The following SLC7A7 variants were observed in gnomAD, a reference collection of about 807,000 sequenced individuals.
The protein encoded by SLC7A7 is Y+L amino acid transporter 1.
SLC7A7 carries 39 observed loss-of-function variants against 47.9 expected under a neutral mutation model. That is an observed-to-expected ratio of 0.81 (90% CI 0.63 to 1.06). The LOEUF is 1.06. SLC7A7 is among the 50% of genes least tolerant of loss of function. The pLI, the probability that SLC7A7 is intolerant of heterozygous loss-of-function variation, is 0.00. For synonymous variants in SLC7A7, 234 were observed against 242.8 expected (o/e 0.96, Z 0.34); for missense variants, 588 against 632.0 (o/e 0.93, Z 0.75).
chr14:22,806,307 T>C (rs1414092272), intron 2 of SLC7A7, among the ~76,000 whole-genome samples: 2 of 144,552 alleles, frequency 1.4e-5, no homozygotes, highest in Admixed American at 1.4e-4. Flanking sequence ...GCGATTCTCC[T>C]GCCTCAGCCT....
chr14:22,779,038 G>T, intron 3 of SLC7A7, 101 bp from the exon 4 acceptor site: 1 of 1,476,038 alleles, frequency 6.8e-7, no homozygotes, highest in Non-Finnish European at 9.3e-7. Flanking sequence ...TATAATAGCA[G>T]GTAAGTGGCC....
chr14:22,789,764 G>A (rs1349303815), intron 2 of SLC7A7, among the ~76,000 whole-genome samples: 2 of 151,960 alleles, frequency 1.3e-5, no homozygotes, highest in Non-Finnish European at 2.9e-5. Flanking sequence ...AAAGAGGGAG[G>A]CAGAAAGGTC....
chr14:22,774,825 T>C (rs545254329), intron 7 of SLC7A7, among the ~76,000 whole-genome samples: 40 of 152,284 alleles, frequency 2.6e-4, no homozygotes, highest in African/African-American at 9.4e-4. Context: ...CTCCTACATG[T>C]TGAGTATCCC....
chr14:22,784,697 G>C (rs1013158023), intron 2 of SLC7A7, among the ~76,000 whole-genome samples: 1 of 152,010 alleles, frequency 6.6e-6, no homozygotes, highest in Non-Finnish European at 1.5e-5. Context: ...CCTACATACG[G>C]TCCCCGGGAG....
intron 8 of SLC7A7, 26 bp downstream of exon 8, chr14:22,774,328 G>A (rs1369467494): frequency 6.2e-7 from 1 of 1,614,068 alleles, no homozygotes; most frequent in South Asian, 1.1e-5. Flanking sequence ...TTCAGGTGGA[G>A]CAGAGGTAGG....
At chr14:22,813,635 A>G (rs1207792906) in intron 1 of SLC7A7, among the ~76,000 whole-genome samples, 195 bp from the exon 2 acceptor site, 2 of 152,068 alleles carry the variant, frequency 1.3e-5, no homozygotes, top group African/African-American at 4.8e-5. Flanking sequence ...TTATTTATTT[A>G]TTGACAGAGT....
At chr14:22,813,581 T>C in intron 1 of SLC7A7, 141 bp from the exon 2 acceptor site, 1 of 674,278 alleles carries the variant, frequency 1.5e-6, no homozygotes, top group Non-Finnish European at 2.6e-6. Context: ...AGCTCACTCA[T>C]CAAAACAACC....
chr14:22,815,230 GGGA>G (rs2039387492), intron 1 of SLC7A7, 87 bp downstream of exon 1: 1 of 388,640 alleles, frequency 2.6e-6, no homozygotes, highest in Non-Finnish European at 5.2e-6. Flanking sequence ...AGAGGCACTC[GGGA>G]GAAGAAGCGA....
chr14:22,792,580 G>A (rs79939474), intron 2 of SLC7A7, among the ~76,000 whole-genome samples: 21,123 of 152,038 alleles, frequency 0.14, 1,627 homozygotes, highest in East Asian at 0.19. Context: ...TTGACCAGGC[G>A]TGGTGGTGGC....
At chr14:22,813,621 G>A (rs1272352651) in intron 1 of SLC7A7, among the ~76,000 whole-genome samples, 181 bp from the exon 2 acceptor site, 6 of 152,048 alleles carry the variant, frequency 3.9e-5, no homozygotes, top group Admixed American at 3.9e-4. Flanking sequence ...ATCTATCTAT[G>A]TATTTATTTA....
rs578255266 is a variant in SLC7A7 at position 22,777,878 on chromosome 14, A to C, written c.770+915T>G. On this transcript the variant is annotated intron_variant, in intron 4 of 9. Transcript: ENST00000674313. ...CACCTGAGGTCAGGAGTTCGAGACC[A>C]GCCTGGCCAACATGGTGAAACCCAT... Among the ~76,000 whole-genome samples the C allele has an allele frequency of 9.2e-5, 14 of 152,332 alleles. No individual in the cohort carries two copies. The South Asian group carries it at 2.9e-3, about 32-fold the overall frequency.
At chr14:22,778,704 A>C in intron 4 of SLC7A7, 89 bp downstream of exon 4, 18 of 1,408,038 alleles carry the variant, frequency 1.3e-5, no homozygotes, top group Non-Finnish European at 1.8e-5. Context: ...TTAACCTCAT[A>C]GTGGTTGTGG....
Position 22,773,342 on chromosome 14 carries a change from A to T in SLC7A7, c.*268T>A, listed in dbSNP as rs1305052621. ...AAAGAAAAGAGGAGTAGGTAGGCAC[A>T]CCCAGGTGCTTCTAAAACAACCAAG... is the stretch of plus-strand genomic sequence containing the variant. On this transcript the variant is annotated 3_prime_UTR_variant, in exon 10 of 10. Coordinates refer to ENST00000674313, the MANE Select transcript of SLC7A7 (RefSeq NM_003982.4). The T allele has an allele frequency of 7.0e-6, 4 of 569,954 alleles. No individual in the cohort carries two copies. The highest frequency in any genetic ancestry group is 1.3e-5 in the Non-Finnish European group (4 of 302,656). The allele number at this position is 569,954 out of a possible 1,614,324, so 35.3% of individuals were successfully genotyped here.
chr14:22,786,760 C>T (rs566621569), intron 2 of SLC7A7, among the ~76,000 whole-genome samples: 1 of 152,158 alleles, frequency 6.6e-6, no homozygotes, highest in South Asian at 2.1e-4. Flanking sequence ...ATTGTGAGAA[C>T]ACATCTCCAC....
chr14:22,787,745 C>G (rs546925169), intron 2 of SLC7A7, among the ~76,000 whole-genome samples: 538 of 142,908 alleles, frequency 3.8e-3, no homozygotes, highest in Middle Eastern at 0.014. Context: ...GACAGAGCAA[C>G]ACTCTGTCTC....
At chr14:22,777,647 A>G (rs1346310503) in intron 4 of SLC7A7, among the ~76,000 whole-genome samples, 1 of 152,212 alleles carries the variant, frequency 6.6e-6, no homozygotes, top group African/African-American at 2.4e-5. Flanking sequence ...TGGAAGTACC[A>G]CCCAGGCCTT....
chr14:22,788,470 C>T (rs574458177), intron 2 of SLC7A7, among the ~76,000 whole-genome samples: 24 of 152,144 alleles, frequency 1.6e-4, no homozygotes, highest in Middle Eastern at 6.8e-3. Context: ...GTTGGGAGGC[C>T]AAGGCGGGCA....
chr14:22,801,199 A>G (rs932612883), intron 2 of SLC7A7, among the ~76,000 whole-genome samples: 1 of 152,046 alleles, frequency 6.6e-6, no homozygotes, highest in African/African-American at 2.4e-5. Flanking sequence ...CCTTGACTCT[A>G]TTTACCTCTG....
Position 22,776,258 on chromosome 14 carries a change from G to T in SLC7A7, c.831C>A (p.Thr277=), listed in dbSNP as rs1055144111. The T allele has an allele frequency of 6.2e-7, 1 of 1,614,020 alleles. No homozygotes were observed. Among genetic ancestry groups the T allele is most frequent in the Non-Finnish European group, 8.5e-7 (1 of 1,180,026 alleles). ...MPIVTIIYIL[T]NVAYYTVLDM... Reference sequence around the variant, plus strand: ...CTAGCACAGTATAATAGGCCACATTGGTCAAGATATAGATGATGGTGACAA... The same window carrying T: ...CTAGCACAGTATAATAGGCCACATTTGTCAAGATATAGATGATGGTGACAA... The change falls in exon 5 of 10, where the codon ACC becomes ACA. Residue 277 remains threonine, a synonymous_variant. Transcript: ENST00000674313.
Sources: gnomAD v4.1 joint callset for allele counts (sites outside exome capture counted in the v4.1 genomes callset) on GRCh38, gnomAD v4.1.1 for gene constraint, MANE v1.5 for transcripts, NCBI Gene and HGNC (gene_info 2026-07-23, HGNC 2026-07-21) for gene names.